NAV2: variants seen among roughly 807,000 people sequenced by gnomAD.
NAV2 encodes the protein neuron navigator 2.
In NAV2, 54 loss-of-function variants were observed where a neutral mutation model predicts 223.2. The observed-to-expected ratio is 0.24, with a 90% CI of 0.19 to 0.30. NAV2 has a LOEUF of 0.30. Among genes scored for constraint, NAV2 ranks in the 10% least tolerant of loss-of-function variants. The pLI, the probability that NAV2 is intolerant of heterozygous loss-of-function variation, is 1.00. For synonymous variants in NAV2, 1,279 were observed against 1,239.3 expected, an observed-to-expected ratio of 1.03 and a Z score of -0.67; for missense variants, 2,806 against 3,147.5, an observed-to-expected ratio of 0.89 and a Z score of 2.60.
intron 10 of NAV2, among the ~76,000 whole-genome samples, chr11:19,977,961 C>T (rs566425463): frequency 1.1e-4 from 17 of 149,752 alleles, no homozygotes; most frequent in East Asian, 9.8e-4. Context: ...CCTGCCACCA[C>T]GCCCAGCTCA....
intron 15 of NAV2, 180 bp downstream of exon 15, chr11:20,049,375 G>C (rs1292138890): frequency 1.7e-6 from 1 of 591,864 alleles, no homozygotes; most frequent in African/African-American, 1.9e-5. Flanking sequence ...TCTGCTCCCT[G>C]TTATCTTTTC....
At chr11:19,491,897 A>T (rs966436406) in intron 1 of NAV2, among the ~76,000 whole-genome samples, 1 of 151,904 alleles carries the variant, frequency 6.6e-6, no homozygotes, top group African/African-American at 2.4e-5. Flanking sequence ...AAGCCATTGT[A>T]GGGTTATTAA....
Position 19,751,432 on chromosome 11 carries a change from G to A in NAV2, c.267+37470G>A, listed in dbSNP as rs767509000. ...TGGGGTACCCATATCTATAGAGACC[G>A]TACCCCGCCAGCTAGAGAAGGATGC... On this transcript the variant is annotated intron_variant, in intron 1 of 37. Transcript: ENST00000349880. 5.3e-5 allele frequency among the ~76,000 whole-genome samples: 8 copies of A among 152,204 alleles called. No individual in the cohort carries two copies. The East Asian group carries it at 5.8e-4, about 11-fold the overall frequency.
At chr11:19,449,617 T>C (rs1427819983) in intron 1 of NAV2, among the ~76,000 whole-genome samples, 1 of 127,832 alleles carries the variant, frequency 7.8e-6, no homozygotes, top group Non-Finnish European at 1.7e-5. Flanking sequence ...TGTGTGTGTG[T>C]TGTGGGGGTG....
chr11:19,811,856 A>T (rs1392415773), intron 1 of NAV2, among the ~76,000 whole-genome samples: 2 of 152,154 alleles, frequency 1.3e-5, no homozygotes, highest in African/African-American at 4.8e-5. Flanking sequence ...TATTTATTCA[A>T]TTCCTACTAT....
chr11:19,780,622 C>T (rs947544926), intron 1 of NAV2, among the ~76,000 whole-genome samples: 3 of 152,214 alleles, frequency 2.0e-5, no homozygotes, highest in Non-Finnish European at 2.9e-5. Context: ...TTTACCTCTT[C>T]GATCTTTGGT....
chr11:19,977,927 C>T (rs1184566179), intron 10 of NAV2, among the ~76,000 whole-genome samples: 1 of 151,274 alleles, frequency 6.6e-6, no homozygotes, highest in Non-Finnish European at 1.5e-5. Context: ...GCTTCAGTCT[C>T]CCGAGTAGCT....
At chr11:20,037,778 G>A (rs1336427372) in intron 12 of NAV2, among the ~76,000 whole-genome samples, 2 of 152,158 alleles carry the variant, frequency 1.3e-5, no homozygotes, top group East Asian at 1.9e-4. Flanking sequence ...GTGATTAGAC[G>A]CAAGTCAGAA....
intron 8 of NAV2, among the ~76,000 whole-genome samples, chr11:19,945,155 CCCTTCCCTTCCCTTCCCT>C (rs2046813214): frequency 9.5e-5 from 1 of 10,522 alleles, no homozygotes; most frequent in African/African-American, 2.6e-4. Flanking sequence ...CTTTCTGTCT[CCCTTCCCTTCCCTTCCCT>C]TCCCTTCCCT....
intron 1 of NAV2, among the ~76,000 whole-genome samples, chr11:19,773,628 G>A (rs531352387): frequency 1.3e-5 from 2 of 152,328 alleles, no homozygotes; most frequent in East Asian, 1.9e-4. Context: ...ATAGGAGGAA[G>A]GAGAAAGGTG....
At chr11:19,566,255 G>C (rs1056960835) in intron 1 of NAV2, among the ~76,000 whole-genome samples, 4 of 151,706 alleles carry the variant, frequency 2.6e-5, no homozygotes, top group African/African-American at 4.8e-5. Flanking sequence ...TGTTGTTGCT[G>C]TTGGTAAGAA....
intron 1 of NAV2, among the ~76,000 whole-genome samples, chr11:19,668,823 C>T (rs1160236442): frequency 6.6e-6 from 1 of 152,116 alleles, no homozygotes; most frequent in Non-Finnish European, 1.5e-5. Flanking sequence ...GGATCCCTGG[C>T]TCTCTCCCTT....
intron 1 of NAV2, among the ~76,000 whole-genome samples, chr11:19,599,956 T>A (rs2046310377): frequency 6.6e-6 from 1 of 152,246 alleles, no homozygotes; most frequent in Non-Finnish European, 1.5e-5. Context: ...TGTCTTAGTT[T>A]GGATCCTCCA....
At chr11:20,051,185 G>A (rs1295630531) in intron 16 of NAV2, 104 bp from the exon 17 acceptor site, 2 of 896,176 alleles carry the variant, frequency 2.2e-6, no homozygotes, top group Non-Finnish European at 3.8e-6. Context: ...CTGGTGATGT[G>A]CACCTCTTTC....
intron 5 of NAV2, among the ~76,000 whole-genome samples, chr11:19,891,880 AAAATTAG>A (rs2041526542): frequency 6.6e-6 from 1 of 152,224 alleles, no homozygotes; most frequent in Non-Finnish European, 1.5e-5. Context: ...CATGCTTGAT[AAAATTAG>A]AAATGACTGG....
At chr11:20,029,397 G>C (rs766931840) in intron 11 of NAV2, among the ~76,000 whole-genome samples, 2 of 152,184 alleles carry the variant, frequency 1.3e-5, no homozygotes, top group African/African-American at 2.4e-5. Context: ...TGGTGGGCCC[G>C]GGCTTTGGAA....
intron 1 of NAV2, among the ~76,000 whole-genome samples, chr11:19,361,929 T>C (rs899675262): frequency 6.6e-6 from 1 of 152,130 alleles, no homozygotes; most frequent in Non-Finnish European, 1.5e-5. Context: ...GGAGAATCCC[T>C]AGGCTCCCAT....
chr11:19,614,047 T>C (rs1285666031), intron 1 of NAV2, among the ~76,000 whole-genome samples: 1 of 152,222 alleles, frequency 6.6e-6, no homozygotes, highest in Non-Finnish European at 1.5e-5. Flanking sequence ...AGGGCCCCTT[T>C]CATGAAAAAG....
chr11:19,738,867 T>A (rs1434419004), intron 1 of NAV2, among the ~76,000 whole-genome samples: 2 of 152,146 alleles, frequency 1.3e-5, no homozygotes, highest in Non-Finnish European at 2.9e-5. Flanking sequence ...GCTCAGTAAA[T>A]TAGCTTCTGT....
Sources: gnomAD v4.1 joint callset for allele counts (sites outside exome capture counted in the v4.1 genomes callset) on GRCh38, gnomAD v4.1.1 for gene constraint, MANE v1.5 for transcripts, NCBI Gene and HGNC (gene_info 2026-07-23, HGNC 2026-07-21) for gene names.